The following REPS1 variants were observed in gnomAD, a reference collection of about 807,000 sequenced individuals.
The protein encoded by REPS1 is RALBP1 associated Eps domain containing 1.
Under a neutral mutation model 100.9 loss-of-function variants are expected in REPS1, and 39 were observed. The observed-to-expected ratio is 0.39, with a 90% CI of 0.30 to 0.50. The LOEUF is 0.50. Among genes scored for constraint, REPS1 ranks in the 20% least tolerant of loss-of-function variants. The probability of loss-of-function intolerance (pLI) is 0.86; values close to 1 mark genes in which losing one functional copy is unlikely to be tolerated. For missense variants in REPS1, 821 were observed against 968.5 expected, an observed-to-expected ratio of 0.85 and a Z score of 2.02; for synonymous variants, 324 against 340.3, an observed-to-expected ratio of 0.95 and a Z score of 0.53.
chr6:138,966,974 C>G (rs377264106), intron 1 of REPS1, among the ~76,000 whole-genome samples: 2 of 152,174 alleles, frequency 1.3e-5, no homozygotes, highest in Non-Finnish European at 1.5e-5. Flanking sequence ...GAAATTTAAT[C>G]TCCAATACAA....
intron 8 of REPS1, among the ~76,000 whole-genome samples, chr6:138,931,340 A>G (rs1781473783): frequency 6.6e-6 from 1 of 152,172 alleles, no homozygotes; most frequent in Admixed American, 6.6e-5. Flanking sequence ...TTACTGAATC[A>G]GTTGCCTTGT....
intron 1 of REPS1, among the ~76,000 whole-genome samples, chr6:138,956,381 G>T (rs1783391423): frequency 6.6e-6 from 1 of 152,038 alleles, no homozygotes; most frequent in Non-Finnish European, 1.5e-5. Flanking sequence ...TGCTAGGTAT[G>T]ACTAGGGATG....
intron 19 of REPS1, 63 bp downstream of exon 19, chr6:138,907,432 T>A: frequency 8.6e-7 from 1 of 1,161,808 alleles, no homozygotes; most frequent in Non-Finnish European, 1.3e-6. Context: ...GAGGTCACAT[T>A]CCTTCTCTTT....
chr6:138,985,120 A>G (rs73564741), intron 1 of REPS1, among the ~76,000 whole-genome samples: 13,363 of 152,070 alleles, frequency 0.088, 1,234 homozygotes, highest in African/African-American at 0.23. Context: ...CTAATTTTAT[A>G]TTCTGTTATC....
rs115774274 is a variant in REPS1, at chr6:138,987,257, A to C, written c.153+273T>G. ...ATCCTTCAAGTGAGATAGCTCTTGC[A>C]GTACAGAGCACAGATTCTCAGGGTC... is the stretch of plus-strand genomic sequence containing the variant. On this transcript the variant is annotated intron_variant, in intron 1 of 19. Coordinates refer to ENST00000450536, the MANE Select transcript of REPS1 (RefSeq NM_001286611.2). Among the ~76,000 whole-genome samples the C allele has an allele frequency of 6.2e-3, 944 of 152,364 alleles. 15 individuals carry two copies. Among genetic ancestry groups the C allele is most frequent in the African/African-American group, 0.021 (891 of 41,586 alleles).
At chr6:138,975,180 C>T (rs1015527742) in intron 1 of REPS1, among the ~76,000 whole-genome samples, 4 of 152,086 alleles carry the variant, frequency 2.6e-5, no homozygotes, top group African/African-American at 9.7e-5. Flanking sequence ...ACAAAATCCA[C>T]CACATTATCT....
chr6:138,984,503 GT>G (rs1358623376), intron 1 of REPS1, among the ~76,000 whole-genome samples: 1 of 152,122 alleles, frequency 6.6e-6, no homozygotes, highest in Non-Finnish European at 1.5e-5. Context: ...ACTGCAGGAT[GT>G]TTAGCAACAT....
chr6:138,984,544 G>A (rs562274723), intron 1 of REPS1, among the ~76,000 whole-genome samples: 2 of 152,046 alleles, frequency 1.3e-5, no homozygotes, highest in South Asian at 4.1e-4. Context: ...GATGCCAGTA[G>A]AACTGCTCTC....
chr6:138,925,729 T>C (rs1781076006), intron 10 of REPS1, among the ~76,000 whole-genome samples: 1 of 151,018 alleles, frequency 6.6e-6, no homozygotes, highest in Admixed American at 6.6e-5. Context: ...AGAAGAACGA[T>C]TAACAGCTAA....
At chr6:138,934,911 C>T (rs1226381363) in intron 8 of REPS1, among the ~76,000 whole-genome samples, 9 of 152,164 alleles carry the variant, frequency 5.9e-5, no homozygotes, top group Admixed American at 5.9e-4. Flanking sequence ...ATCGAGTGTT[C>T]ATGACTTTTA....
intron 1 of REPS1, among the ~76,000 whole-genome samples, chr6:138,979,198 CA>C (rs1277794755): frequency 6.5e-5 from 6 of 91,788 alleles, no homozygotes; most frequent in Non-Finnish European, 6.0e-5. Context: ...AAAAAAAAAA[CA>C]AAAAAAAAAA....
At chr6:138,977,481 G>A (rs900626721) in intron 1 of REPS1, among the ~76,000 whole-genome samples, 4 of 152,104 alleles carry the variant, frequency 2.6e-5, no homozygotes, top group African/African-American at 9.7e-5. Context: ...AATGATATGC[G>A]GGTGCCATCA....
intron 2 of REPS1, 115 bp from the exon 3 acceptor site, chr6:138,945,812 G>A: frequency 2.4e-6 from 2 of 845,622 alleles, no homozygotes; most frequent in Non-Finnish European, 3.4e-6. Flanking sequence ...ACAGAAACAA[G>A]AGGCACAAAA....
Position 138,905,132 on chromosome 6 carries a change from C to G in REPS1, c.2323G>C (p.Asp775His). The G allele has an allele frequency of 6.2e-7, 1 of 1,606,248 alleles. No individual in the cohort carries two copies. The highest frequency in any genetic ancestry group is 8.5e-7 in the Non-Finnish European group (1 of 1,173,216). Residue 775 changes from aspartate (D) to histidine (H), a missense_variant and splice_region_variant, in exon 20 of 20, where the codon GAT becomes CAT. Around this residue, in one of 3 missense-constraint regions of REPS1, gnomAD observed 757 missense variants for 866.4 expected, o/e 0.87. Transcript: ENST00000450536. ...AGGGAAATTCTCTCCTCAAGAACAT[C>G]CTGAAAAAGATGCAAAGGCCAAGTT... ...LNSELQQQLK[D>H]VLEERISLEV...
chr6:138,969,629 C>T (rs1394653170), intron 1 of REPS1, among the ~76,000 whole-genome samples: 3 of 151,930 alleles, frequency 2.0e-5, no homozygotes, highest in African/African-American at 7.2e-5. Context: ...GCAACCTGAG[C>T]ACAAGCTTTG....
At chr6:138,916,440 C>T (rs1202461942) in intron 13 of REPS1, among the ~76,000 whole-genome samples, 1 of 151,688 alleles carries the variant, frequency 6.6e-6, no homozygotes, top group Non-Finnish European at 1.5e-5. Context: ...AGGCTGGTCT[C>T]GAACTCCTGA....
At chr6:138,975,735 G>C (rs1327061579) in intron 1 of REPS1, among the ~76,000 whole-genome samples, 1 of 152,198 alleles carries the variant, frequency 6.6e-6, no homozygotes, top group Non-Finnish European at 1.5e-5. Flanking sequence ...TCGAGAGGCT[G>C]AGGCAGGAGA....
chr6:138,957,386 T>C (rs1057253312), intron 1 of REPS1, among the ~76,000 whole-genome samples: 2 of 152,126 alleles, frequency 1.3e-5, no homozygotes, highest in Non-Finnish European at 2.9e-5. Context: ...AATAAAGCAA[T>C]ATCCAGAGAG....
intron 19 of REPS1, 198 bp downstream of exon 19, chr6:138,907,297 T>TAA (rs1554282171): frequency 3.9e-4 from 66 of 170,096 alleles, no homozygotes; most frequent in Middle Eastern, 1.7e-3. Context: ...CGTGTCTCTT[T>TAA]AAAAAAAAAA....
Sources: allele counts gnomAD v4.1 joint callset (sites outside exome capture counted in the v4.1 genomes callset), GRCh38; gene constraint gnomAD v4.1.1; regional missense constraint gnomAD v4.1.1; transcripts MANE v1.5; gene names NCBI Gene and HGNC (gene_info 2026-07-23, HGNC 2026-07-21).